RNLS: variants seen among roughly 807,000 people sequenced by gnomAD.
The protein encoded by RNLS is renalase.
RNLS carries 39 observed loss-of-function variants against 39.8 expected under a neutral mutation model. That is an observed-to-expected ratio of 0.98 (90% CI 0.76 to 1.28). The LOEUF is 1.28. Ranked by LOEUF, RNLS falls within the 50% of genes most tolerant of loss-of-function variation. The probability of loss-of-function intolerance (pLI) is 0.00; values close to 1 mark genes in which losing one functional copy is unlikely to be tolerated. For synonymous variants in RNLS, 147 were observed against 150.7 expected, an observed-to-expected ratio of 0.98 and a Z score of 0.18; for missense variants, 410 against 413.3, an observed-to-expected ratio of 0.99 and a Z score of 0.07.
the RNLS span, among the ~76,000 whole-genome samples, chr10:88,261,104 G>A: frequency 6.6e-6 from 1 of 152,196 alleles, no homozygotes. Context: ...GCTGGAAACA[G>A]GAAAGGAAGT....
intron 4 of RNLS, among the ~76,000 whole-genome samples, chr10:88,458,874 C>G (rs1842780355): frequency 6.6e-6 from 1 of 151,854 alleles, no homozygotes; most frequent in South Asian, 2.1e-4. Context: ...GCATATTTCA[C>G]AGAAAATACT....
At chr10:88,579,915 C>T in intron 3 of RNLS, among the ~76,000 whole-genome samples, 1 of 152,154 alleles carries the variant, frequency 6.6e-6, no homozygotes, top group East Asian at 1.9e-4. Flanking sequence ...TAGGCCTCAT[C>T]CAATCAGTTG....
At chr10:88,402,812 T>C (rs1455018828) in intron 4 of RNLS, among the ~76,000 whole-genome samples, 1 of 152,018 alleles carries the variant, frequency 6.6e-6, no homozygotes, top group Non-Finnish European at 1.5e-5. Context: ...GAATGAGATA[T>C]TGACAAAAGT....
At chr10:88,409,565 C>T (rs763533137) in intron 4 of RNLS, among the ~76,000 whole-genome samples, 1 of 152,004 alleles carries the variant, frequency 6.6e-6, no homozygotes, top group Non-Finnish European at 1.5e-5. Flanking sequence ...AGTCCATATC[C>T]CCCATATTTG....
At chr10:88,539,647 A>C (rs552544986) in intron 4 of RNLS, among the ~76,000 whole-genome samples, 59 of 152,212 alleles carry the variant, frequency 3.9e-4, no homozygotes, top group Admixed American at 2.3e-3. Flanking sequence ...CCCTCAGTAC[A>C]TCTGTGTTAT....
intron 4 of RNLS, among the ~76,000 whole-genome samples, chr10:88,564,251 C>T (rs111850418): frequency 8.6e-5 from 13 of 152,004 alleles, no homozygotes; most frequent in African/African-American, 3.1e-4. Flanking sequence ...AACTCCTTTC[C>T]CCATCCTCCA....
intron 5 of RNLS, among the ~76,000 whole-genome samples, chr10:88,337,785 GATGAGTTTT>G (rs1847617146): frequency 6.6e-6 from 1 of 152,160 alleles, no homozygotes; most frequent in South Asian, 2.1e-4. Flanking sequence ...AGCCATTTGA[GATGAGTTTT>G]ATGTCACTTG....
chr10:88,421,432 T>C (rs1402229033), intron 4 of RNLS, among the ~76,000 whole-genome samples: 2 of 152,202 alleles, frequency 1.3e-5, no homozygotes, highest in African/African-American at 2.4e-5. Context: ...TAATCATCTG[T>C]GACACGGCCT....
chr10:88,374,334 A>C (rs566803945), intron 4 of RNLS, among the ~76,000 whole-genome samples: 52 of 152,244 alleles, frequency 3.4e-4, no homozygotes, highest in African/African-American at 1.2e-3. Flanking sequence ...TTAACAAGGT[A>C]TCTGTTTTTA....
chr10:88,354,121 G>A (rs1257983585), intron 5 of RNLS, among the ~76,000 whole-genome samples: 1 of 152,166 alleles, frequency 6.6e-6, no homozygotes, highest in Non-Finnish European at 1.5e-5. Context: ...CTGCAAGTGA[G>A]ATGGGTTTCC....
chr10:88,349,455 A>AAT (rs1264482198), intron 5 of RNLS, among the ~76,000 whole-genome samples: 3 of 152,100 alleles, frequency 2.0e-5, no homozygotes, highest in African/African-American at 7.2e-5. Flanking sequence ...ATTCTCTAAT[A>AAT]AAAGTCCCCT....
chr10:88,265,932 T>C, the RNLS span, among the ~76,000 whole-genome samples: 1 of 152,232 alleles, frequency 6.6e-6, no homozygotes, highest in African/African-American at 2.4e-5. Flanking sequence ...AGTTCCATGC[T>C]TTACTTTTCT....
the RNLS span, among the ~76,000 whole-genome samples, chr10:88,203,452 G>GTATA: frequency 0.012 from 7 of 576 alleles, no homozygotes; most frequent in South Asian, 0.062. Flanking sequence ...GTGTGTGTGT[G>GTATA]TGTGTATATA....
chr10:88,282,716 T>A (rs1002460321), downstream of RNLS, among the ~76,000 whole-genome samples: 1 of 152,018 alleles, frequency 6.6e-6, no homozygotes, highest in African/African-American at 2.4e-5. Context: ...GCTTTCTTGA[T>A]GTTTTTAGAC....
chr10:88,283,959 A>G (rs544180575), downstream of RNLS: 62 of 213,222 alleles, frequency 2.9e-4, no homozygotes, highest in Non-Finnish European at 4.6e-4. Flanking sequence ...CTACATTTAA[A>G]ATTTAAAAAA....
chr10:88,413,260 CCAGCTCTGTTAAT>C (rs1255815501), intron 4 of RNLS, among the ~76,000 whole-genome samples: 7 of 152,106 alleles, frequency 4.6e-5, no homozygotes, highest in African/African-American at 1.7e-4. Flanking sequence ...ATCTTATGTC[CCAGCTCTGTTAAT>C]AGCTTTTGAT....
At chr10:88,255,395 G>C in the RNLS span, among the ~76,000 whole-genome samples, 1 of 152,184 alleles carries the variant, frequency 6.6e-6, no homozygotes, top group African/African-American at 2.4e-5. Flanking sequence ...CCTCCTTAGA[G>C]ATCACAGAGG....
chr10:88,574,175 T>C (rs541263354), intron 3 of RNLS, among the ~76,000 whole-genome samples: 2 of 152,244 alleles, frequency 1.3e-5, no homozygotes, highest in South Asian at 2.1e-4. Context: ...AAAGTACAAT[T>C]GGGTCATTAA....
At chr10:88,547,454 A>T (rs939973831) in intron 4 of RNLS, among the ~76,000 whole-genome samples, 2 of 152,264 alleles carry the variant, frequency 1.3e-5, no homozygotes, top group Admixed American at 6.5e-5. Flanking sequence ...TGCTAAGAGA[A>T]ATACAGATAA....
Sources: gnomAD v4.1 joint callset for allele counts (sites outside exome capture counted in the v4.1 genomes callset) on GRCh38, gnomAD v4.1.1 for gene constraint, MANE v1.5 for transcripts, NCBI Gene and HGNC (gene_info 2026-07-23, HGNC 2026-07-21) for gene names.